The following MYO9A variants were observed in gnomAD, a reference collection of about 807,000 sequenced individuals.
MYO9A encodes myosin IXA, also known as unconventional myosin-IXa.
MYO9A carries 103 observed loss-of-function variants against 293.3 expected under a neutral mutation model. The ratio of observed to expected loss-of-function variants is 0.35; its 90% CI spans 0.30 to 0.41. MYO9A has a LOEUF of 0.41. MYO9A is among the 10% of genes least tolerant of loss of function. The pLI is 1.00. For missense variants in MYO9A, 2,685 were observed against 3,033.0 expected (o/e 0.89, Z 2.69); for synonymous variants, 1,001 against 1,035.7 (o/e 0.97, Z 0.64).
In MYO9A at chr15:71,826,470, G is replaced by A; in HGVS notation, c.*110C>T. 1 of 1,095,384 alleles carries A rather than the reference G, an allele frequency of 9.1e-7. No homozygotes were observed. Among genetic ancestry groups the A allele is most frequent in the Non-Finnish European group, 1.3e-6 (1 of 767,114 alleles). The allele number at this position is 1,095,384 out of a possible 1,614,324, so 67.9% of individuals were successfully genotyped here. A position where few individuals can be genotyped will look rare whatever the true frequency, so the allele number is the denominator to read the frequency against. On this transcript the variant is annotated 3_prime_UTR_variant, in exon 42 of 42. Coordinates refer to ENST00000356056, the MANE Select transcript of MYO9A (RefSeq NM_006901.4). Reference sequence around the variant, plus strand: ...GTCTTAGCCATATGCTTAGAAAAGAGGCAGGACCACAATTAGGATTGACTA... The same window carrying A: ...GTCTTAGCCATATGCTTAGAAAAGAAGCAGGACCACAATTAGGATTGACTA...
chr15:71,946,335 A>T (rs370825013), intron 15 of MYO9A, among the ~76,000 whole-genome samples: 3 of 152,164 alleles, frequency 2.0e-5, no homozygotes, highest in East Asian at 1.9e-4. Context: ...GTGGGGGGAA[A>T]ATTTTAGTTA....
intron 19 of MYO9A, among the ~76,000 whole-genome samples, chr15:71,910,165 CGTGTATATATATATAT>C: frequency 1.2e-4 from 1 of 8,264 alleles, no homozygotes; most frequent in East Asian, 2.1e-3. Context: ...TATATATATA[CGTGTATATATATATAT>C]AAAATCAGAA....
chr15:72,086,327 T>G lies in MYO9A; in HGVS notation c.-72+31353A>C, dbSNP rs904921885. ...AGGGCAAATCTGTGTGCACCCTCTG[T>G]GCACATTTACACAGGTGGGGATGGC... On this transcript the variant is annotated intron_variant, in intron 1 of 41. Coordinates refer to ENST00000356056, the MANE Select transcript of MYO9A (RefSeq NM_006901.4). Among the ~76,000 whole-genome samples, 5 of 151,562 alleles carry G rather than the reference T, an allele frequency of 3.3e-5. No homozygotes were observed. In the South Asian group the frequency reaches 1.0e-3, roughly 31 times the overall value.
At position 72,009,450 on chromosome 15, in the gene MYO9A, C is replaced by T. The variant is rs188180371; in HGVS notation, c.1253+900G>A. On this transcript the variant is annotated intron_variant, in intron 7 of 41. Coordinates refer to ENST00000356056, the MANE Select transcript of MYO9A (RefSeq NM_006901.4). ...TTAAAAATTAACAACAGAGGGCGGG[C>T]GCAGTGGCTCATGCTGGTAATCCTA... 3.3e-5 allele frequency among the ~76,000 whole-genome samples: 5 copies of T among 151,938 alleles called. 1 individual carries two copies. Among genetic ancestry groups the T allele is most frequent in the South Asian group, 4.2e-4 (2 of 4,802 alleles).
chr15:71,852,715 C>T (rs943128758), intron 35 of MYO9A, among the ~76,000 whole-genome samples: 2 of 152,184 alleles, frequency 1.3e-5, no homozygotes, highest in African/African-American at 4.8e-5. Context: ...AATGTAATTC[C>T]ATGCTTTGGA....
intron 32 of MYO9A, 32 bp from the exon 33 acceptor site, chr15:71,862,643 A>G: frequency 7.0e-7 from 1 of 1,429,414 alleles, no homozygotes; most frequent in Non-Finnish European, 9.9e-7. Flanking sequence ...CTTATATTAA[A>G]GCCAACACAG....
At chr15:71,968,240 T>C in intron 12 of MYO9A, 115 bp from the exon 13 acceptor site, 2 of 862,402 alleles carry the variant, frequency 2.3e-6, no homozygotes, top group South Asian at 5.5e-5. Context: ...CATAGCAGTT[T>C]ACAAAAGTTT....
intron 33 of MYO9A, among the ~76,000 whole-genome samples, chr15:71,862,029 G>C (rs1057104776): frequency 6.6e-6 from 1 of 152,224 alleles, no homozygotes; most frequent in Non-Finnish European, 1.5e-5. Flanking sequence ...TACTCGGGAG[G>C]CTGAGGCAGG....
intron 1 of MYO9A, among the ~76,000 whole-genome samples, chr15:72,091,577 T>C (rs1012221947): frequency 6.6e-6 from 1 of 152,142 alleles, no homozygotes; most frequent in African/African-American, 2.4e-5. Context: ...TGAACTACTC[T>C]CTCTCTCTGA....
chr15:72,077,544 T>G, intron 1 of MYO9A, among the ~76,000 whole-genome samples: 1 of 151,374 alleles, frequency 6.6e-6, no homozygotes, highest in Non-Finnish European at 1.5e-5. Context: ...ATACAAAAAT[T>G]AGCCAGGTGT....
At chr15:72,097,005 T>C (rs1280148290) in intron 1 of MYO9A, among the ~76,000 whole-genome samples, 2 of 152,172 alleles carry the variant, frequency 1.3e-5, no homozygotes, top group Non-Finnish European at 2.9e-5. Context: ...AAGAAAGTGG[T>C]TTCTTGAGAT....
At chr15:71,976,210 G>A (rs1251948640) in intron 12 of MYO9A, among the ~76,000 whole-genome samples, 6 of 152,118 alleles carry the variant, frequency 3.9e-5, no homozygotes, top group African/African-American at 1.4e-4. Flanking sequence ...CTGCTTATTA[G>A]TGGGGAAAAA....
intron 18 of MYO9A, among the ~76,000 whole-genome samples, chr15:71,918,660 T>C (rs1266595101): frequency 6.6e-6 from 1 of 152,198 alleles, no homozygotes; most frequent in Non-Finnish European, 1.5e-5. Flanking sequence ...TTAGAATAAT[T>C]TATAGGTTAC....
At chr15:71,892,145 A>T (rs1229255271) in intron 26 of MYO9A, 1 of 152,232 alleles carries the variant, frequency 6.6e-6, no homozygotes. Flanking sequence ...ATATACTATA[A>T]TACTTGTCAA....
intron 19 of MYO9A, among the ~76,000 whole-genome samples, chr15:71,912,801 C>A (rs1025977690): frequency 5.3e-5 from 8 of 151,964 alleles, no homozygotes; most frequent in African/African-American, 1.7e-4. Flanking sequence ...CTTTTTTTCT[C>A]TTTTTGGTCT....
At chr15:72,086,228 T>C (rs545053292) in intron 1 of MYO9A, among the ~76,000 whole-genome samples, 1 of 152,280 alleles carries the variant, frequency 6.6e-6, no homozygotes, top group African/African-American at 2.4e-5. Context: ...ACAGGCAGCA[T>C]GGCTTAAGCG....
chr15:71,865,659 G>C (rs1005632410), intron 32 of MYO9A, among the ~76,000 whole-genome samples: 17 of 152,208 alleles, frequency 1.1e-4, no homozygotes, highest in African/African-American at 4.1e-4. Context: ...GAAGAGAGAA[G>C]AGGGATTGAG....
intron 6 of MYO9A, among the ~76,000 whole-genome samples, chr15:72,011,332 T>C (rs1029792993): frequency 6.6e-6 from 1 of 150,956 alleles, no homozygotes; most frequent in Admixed American, 6.6e-5. Context: ...ACATTAGATA[T>C]ATACATATAT....
chr15:71,893,569 C>A (rs1431591614), intron 26 of MYO9A, 110 bp downstream of exon 26: 38 of 801,228 alleles, frequency 4.7e-5, no homozygotes, highest in Non-Finnish European at 6.7e-5. Flanking sequence ...TCTAAAAACA[C>A]TTGGGAGTAA....
Sources: gnomAD v4.1 joint callset for allele counts (sites outside exome capture counted in the v4.1 genomes callset) on GRCh38, gnomAD v4.1.1 for gene constraint, MANE v1.5 for transcripts, NCBI Gene and HGNC (gene_info 2026-07-23, HGNC 2026-07-21) for gene names.